LAMA3: variants seen among roughly 807,000 people sequenced by gnomAD.
LAMA3 encodes the protein laminin subunit alpha-3.
A neutral mutation model predicts 402.0 loss-of-function variants in LAMA3; 281 were observed. The ratio of observed to expected loss-of-function variants is 0.70; its 90% CI spans 0.63 to 0.77. LAMA3 has a LOEUF of 0.77. Among genes scored for constraint, LAMA3 ranks in the 30% least tolerant of loss-of-function variants. The pLI is 0.00. For synonymous variants in LAMA3, 1,431 were observed against 1,558.4 expected, an observed-to-expected ratio of 0.92 and a Z score of 1.93; for missense variants, 3,840 against 4,215.5, an observed-to-expected ratio of 0.91 and a Z score of 2.47.
chr18:23,832,762 G>A (rs2063511848), intron 23 of LAMA3, among the ~76,000 whole-genome samples: 1 of 152,146 alleles, frequency 6.6e-6, no homozygotes, highest in Admixed American at 6.5e-5. Context: ...CCACACAATG[G>A]TAGGCAGCTG....
rs747914534 is a variant in LAMA3 at position 23,881,981 on chromosome 18, G to A, written c.5158G>A (p.Glu1720Lys). Residue 1720 changes from glutamate (E) to lysine (K), a missense_variant, in exon 40 of 75, where the codon GAG becomes AAG. This residue lies in a region of LAMA3 where 2,109 missense variants were observed against 2,376.0 expected (regional missense o/e 0.89). Transcript: ENST00000313654. ...TAGEHCERCQ[E>K]GYYGNAVHGS... is the part of the protein sequence containing the mutation. ...GGGAGAGCACTGTGAACGCTGCCAG[G>A]AGGGCTACTATGGCAACGCCGTCCA... The A allele has an allele frequency of 5.6e-6, 9 of 1,614,106 alleles. No individual in the cohort carries two copies.
intron 6 of LAMA3, among the ~76,000 whole-genome samples, chr18:23,756,915 C>A (rs1383300358): frequency 6.7e-6 from 1 of 149,202 alleles, no homozygotes; most frequent in Non-Finnish European, 1.5e-5. Flanking sequence ...CCCCGCTCCC[C>A]GTTCCCTGCC....
At chr18:23,954,440 C>A in intron 74 of LAMA3, 63 bp from the exon 75 acceptor site, 8 of 1,279,200 alleles carry the variant, frequency 6.3e-6, no homozygotes, top group African/African-American at 1.5e-5. Flanking sequence ...CTTTTAAAAT[C>A]CAGGGAACAG....
chr18:23,834,033 G>A (rs1339647960), intron 24 of LAMA3, 45 bp downstream of exon 24: 2 of 1,608,656 alleles, frequency 1.2e-6, no homozygotes, highest in African/African-American at 1.3e-5. Context: ...GGAACAATTA[G>A]GAAATCTGCC....
intron 6 of LAMA3, among the ~76,000 whole-genome samples, chr18:23,756,595 G>C (rs972731743): frequency 6.6e-6 from 1 of 152,126 alleles, no homozygotes; most frequent in African/African-American, 2.4e-5. Context: ...CACGGCCTTT[G>C]TCAAGTGAGT....
rs2063594051 is a variant in LAMA3, at chr18:23,836,963, C to G, written c.2985-18C>G. On this transcript the variant is annotated intron_variant, in intron 24 of 74. Transcript: ENST00000313654. ...GATGCCGGGAGTCAGGCTAAGAAAA[C>G]TCTGTTTTCTCTTGCAGTGTTCTCT... 2 of 1,600,266 alleles carry G rather than the reference C, an allele frequency of 1.2e-6. No individual in the cohort carries two copies. Among genetic ancestry groups the G allele is most frequent in the Non-Finnish European group, 1.7e-6 (2 of 1,168,304 alleles).
At chr18:23,869,023 C>T (rs990892765) in intron 37 of LAMA3, among the ~76,000 whole-genome samples, 1 of 151,958 alleles carries the variant, frequency 6.6e-6, no homozygotes, top group African/African-American at 2.4e-5. Context: ...TGCTATAAGA[C>T]ACAAAAAAAG....
At chr18:23,952,680 C>CT (rs984556005) in intron 73 of LAMA3, among the ~76,000 whole-genome samples, 3 of 152,180 alleles carry the variant, frequency 2.0e-5, no homozygotes, top group African/African-American at 7.2e-5. Context: ...GAGACCAGAG[C>CT]TTAAATCCCA....
chr18:23,866,354 T>C (rs2064358160), intron 36 of LAMA3, among the ~76,000 whole-genome samples: 1 of 152,228 alleles, frequency 6.6e-6, no homozygotes, highest in African/African-American at 2.4e-5. Flanking sequence ...ATGTACTGTA[T>C]ACAGGGACCA....
chr18:23,695,181 T>G (rs2060661451), intron 1 of LAMA3, among the ~76,000 whole-genome samples: 1 of 152,162 alleles, frequency 6.6e-6, no homozygotes, highest in African/African-American at 2.4e-5. Context: ...GGGAGGGCAG[T>G]CTTGCTGACA....
intron 1 of LAMA3, among the ~76,000 whole-genome samples, chr18:23,694,921 C>G (rs1041925093): frequency 6.6e-6 from 1 of 152,208 alleles, no homozygotes; most frequent in Non-Finnish European, 1.5e-5. Flanking sequence ...GGAAGCTTGT[C>G]TTAGACACCC....
chr18:23,783,164 A>G (rs569282420), intron 11 of LAMA3, among the ~76,000 whole-genome samples: 23 of 152,174 alleles, frequency 1.5e-4, no homozygotes, highest in African/African-American at 5.1e-4. Flanking sequence ...GGTCCCTCCC[A>G]TGGTGGTCTC....
chr18:23,938,924 C>T (rs1204527291), intron 67 of LAMA3, among the ~76,000 whole-genome samples: 1 of 152,070 alleles, frequency 6.6e-6, no homozygotes, highest in Non-Finnish European at 1.5e-5. Flanking sequence ...TTCCTGGTGG[C>T]AAAATGCTCA....
At chr18:23,728,869 A>G (rs1354853240) in intron 2 of LAMA3, among the ~76,000 whole-genome samples, 2 of 151,976 alleles carry the variant, frequency 1.3e-5, no homozygotes, top group Non-Finnish European at 2.9e-5. Context: ...TGTCTCTACT[A>G]AAAATACAAA....
intron 4 of LAMA3, among the ~76,000 whole-genome samples, chr18:23,750,448 T>G (rs1437437818): frequency 2.7e-4 from 38 of 140,804 alleles, no homozygotes; most frequent in Non-Finnish European, 4.2e-4. Flanking sequence ...TTTTTTTTTT[T>G]TTTTTTTTTT....
At chr18:23,714,193 G>A in intron 2 of LAMA3, 121 bp downstream of exon 2, 1 of 977,278 alleles carries the variant, frequency 1.0e-6, no homozygotes, top group Non-Finnish European at 1.5e-6. Flanking sequence ...CCTCATCATT[G>A]TTAAACCTGT....
chr18:23,951,621 G>T, intron 72 of LAMA3, 63 bp from the exon 73 acceptor site: 2 of 1,314,538 alleles, frequency 1.5e-6, no homozygotes, highest in South Asian at 2.4e-5. Context: ...AGGGAAGATG[G>T]CAGGGGAAGG....
intron 1 of LAMA3, among the ~76,000 whole-genome samples, chr18:23,702,167 G>A (rs1444232152): frequency 6.6e-6 from 1 of 152,080 alleles, no homozygotes; most frequent in Non-Finnish European, 1.5e-5. Flanking sequence ...AGGGGAAGGG[G>A]GTGGGAGTTT....
intron 1 of LAMA3, among the ~76,000 whole-genome samples, chr18:23,706,403 A>G (rs986053559): frequency 1.3e-5 from 2 of 152,206 alleles, no homozygotes; most frequent in African/African-American, 2.4e-5. Flanking sequence ...ATACTAAAAC[A>G]GTTTCCAAAG....
Sources: allele counts gnomAD v4.1 joint callset (sites outside exome capture counted in the v4.1 genomes callset), GRCh38; gene constraint gnomAD v4.1.1; regional missense constraint gnomAD v4.1.1; transcripts MANE v1.5; gene names NCBI Gene and HGNC (gene_info 2026-07-23, HGNC 2026-07-21).